Variants in EGFLAM observed in about 807,000 individuals in gnomAD.
EGFLAM encodes the protein pikachurin.
In EGFLAM, 79 loss-of-function variants were observed where a neutral mutation model predicts 113.1. The ratio of observed to expected loss-of-function variants is 0.70; its 90% confidence interval spans 0.58 to 0.84. The LOEUF is 0.84. EGFLAM is among the 40% of genes least tolerant of loss of function. The pLI, the probability that EGFLAM is intolerant of heterozygous loss-of-function variation, is 0.00. For missense variants in EGFLAM, 1,265 were observed against 1,291.6 expected (o/e 0.98, Z 0.32); for synonymous variants, 504 against 487.6 (o/e 1.03, Z -0.44).
At chr5:38,421,521 C>G (rs1291403289) in intron 12 of EGFLAM, among the ~76,000 whole-genome samples, 1 of 152,230 alleles carries the variant, frequency 6.6e-6, no homozygotes, top group Non-Finnish European at 1.5e-5. Context: ...TCAATAAATA[C>G]TTCACTGAGC....
At chr5:38,388,217 G>A (rs1740715144) in intron 6 of EGFLAM, among the ~76,000 whole-genome samples, 1 of 152,170 alleles carries the variant, frequency 6.6e-6, no homozygotes, top group African/African-American at 2.4e-5. Context: ...GATAGCAGAC[G>A]TGATTATATC....
intron 10 of EGFLAM, among the ~76,000 whole-genome samples, chr5:38,410,706 G>T (rs1741451288): frequency 6.6e-6 from 1 of 152,132 alleles, no homozygotes; most frequent in South Asian, 2.1e-4. Flanking sequence ...ATAAAAACAA[G>T]AATAATGCAG....
intron 1 of EGFLAM, among the ~76,000 whole-genome samples, chr5:38,280,736 A>G (rs1757993812): frequency 6.6e-6 from 1 of 152,166 alleles, no homozygotes; most frequent in South Asian, 2.1e-4. Context: ...GTAGTTTTCT[A>G]ATTGAAATCT....
intron 1 of EGFLAM, among the ~76,000 whole-genome samples, chr5:38,267,618 C>G (rs77873584): frequency 0.011 from 1,696 of 152,236 alleles, 34 homozygotes; most frequent in African/African-American, 0.039. Context: ...AATCTCTACC[C>G]TGGGGGAGCT....
At chr5:38,263,279 T>C (rs1579698614) in intron 1 of EGFLAM, among the ~76,000 whole-genome samples, 1 of 152,114 alleles carries the variant, frequency 6.6e-6, no homozygotes, top group South Asian at 2.1e-4. Flanking sequence ...CTGGCCAACA[T>C]GGCAAAACCC....
intron 16 of EGFLAM, among the ~76,000 whole-genome samples, chr5:38,436,727 G>A (rs936351203): frequency 2.6e-5 from 4 of 152,146 alleles, no homozygotes; most frequent in Admixed American, 1.3e-4. Context: ...CCTGATTCAC[G>A]GGCTGGGCCA....
intron 3 of EGFLAM, among the ~76,000 whole-genome samples, chr5:38,347,899 T>A (rs1199752904): frequency 2.0e-5 from 3 of 152,040 alleles, no homozygotes; most frequent in African/African-American, 7.2e-5. Flanking sequence ...GAGGACTTGG[T>A]CTTCAAGGGC....
intron 11 of EGFLAM, 82 bp from the exon 12 acceptor site, chr5:38,417,984 A>C (rs535423469): frequency 1.4e-5 from 19 of 1,381,726 alleles, no homozygotes; most frequent in Non-Finnish European, 2.0e-6. Context: ...CGTCTTAACC[A>C]TGTCCCTCAT....
At chr5:38,463,061 G>T (rs755120459) in intron 21 of EGFLAM, 50 bp downstream of exon 21, 1 of 1,564,442 alleles carries the variant, frequency 6.4e-7, no homozygotes. Flanking sequence ...TGCTTTTCTT[G>T]TTAGTCTTCC....
chr5:38,445,026 T>A (rs947516394), intron 17 of EGFLAM, among the ~76,000 whole-genome samples: 3 of 152,162 alleles, frequency 2.0e-5, no homozygotes, highest in Admixed American at 2.0e-4. Context: ...CACTTCAAGC[T>A]CTGATGATTT....
chr5:38,407,317 T>G (rs957205219), intron 8 of EGFLAM, among the ~76,000 whole-genome samples, 171 bp downstream of exon 8: 3 of 152,252 alleles, frequency 2.0e-5, no homozygotes, highest in African/African-American at 4.8e-5. Flanking sequence ...GAGGCAACTT[T>G]CATTGCTTCT....
chr5:38,421,311 A>G (rs1403142810), intron 12 of EGFLAM, among the ~76,000 whole-genome samples: 1 of 152,226 alleles, frequency 6.6e-6, no homozygotes, highest in African/African-American at 2.4e-5. Context: ...CAAATTTTGC[A>G]TTCTCTGGTC....
chr5:38,361,742 G>C (rs1158463836), intron 5 of EGFLAM, among the ~76,000 whole-genome samples: 1 of 152,188 alleles, frequency 6.6e-6, no homozygotes, highest in Admixed American at 6.5e-5. Flanking sequence ...GCTTGATCTA[G>C]AGGATGCCAG....
Position 38,412,487 on chromosome 5 carries a change from C to T in EGFLAM, c.1350-17C>T. 9 of 1,614,046 alleles carry T rather than the reference C, an allele frequency of 5.6e-6. No individual in the cohort carries two copies. The highest frequency in any genetic ancestry group is 1.3e-5 in the African/African-American group (1 of 75,036). On this transcript the variant is annotated splice_polypyrimidine_tract_variant and intron_variant, in intron 10 of 21. Transcript: ENST00000322350. ...TGGTTCGTCAAGAAATCTTCTTTTC[C>T]TTTTCCTCCCCAACAGGTTTAATTG... is the stretch of plus-strand genomic sequence containing the variant.
chr5:38,350,386 T>A (rs1248213814), intron 3 of EGFLAM, 115 bp from the exon 4 acceptor site: 24 of 1,002,304 alleles, frequency 2.4e-5, no homozygotes, highest in Non-Finnish European at 3.2e-5. Context: ...AGCAAAACAT[T>A]CTCTGTGCCA....
At chr5:38,295,795 C>T (rs1579739365) in intron 1 of EGFLAM, among the ~76,000 whole-genome samples, 1 of 152,274 alleles carries the variant, frequency 6.6e-6, no homozygotes, top group Admixed American at 6.5e-5. Context: ...CATGTTTAAG[C>T]AAACCTCCTT....
intron 10 of EGFLAM, among the ~76,000 whole-genome samples, chr5:38,411,616 A>G (rs1379209805): frequency 3.5e-5 from 5 of 144,266 alleles, no homozygotes; most frequent in Non-Finnish European, 7.5e-5. Flanking sequence ...CTGAGTAGCT[A>G]GGATTACAAG....
chr5:38,443,792 T>C (rs1742623194), intron 17 of EGFLAM, among the ~76,000 whole-genome samples: 1 of 146,244 alleles, frequency 6.8e-6, no homozygotes, highest in African/African-American at 2.6e-5. Flanking sequence ...TTTTTTGAGA[T>C]GGAGTCTAAC....
At chr5:38,361,479 G>A (rs1484858068) in intron 5 of EGFLAM, among the ~76,000 whole-genome samples, 1 of 152,174 alleles carries the variant, frequency 6.6e-6, no homozygotes, top group Non-Finnish European at 1.5e-5. Context: ...TCAAATAGGT[G>A]CTGGTAAGCA....
Sources: gnomAD v4.1 joint callset for allele counts (sites outside exome capture counted in the v4.1 genomes callset) on GRCh38, gnomAD v4.1.1 for gene constraint, MANE v1.5 for transcripts, NCBI Gene and HGNC (gene_info 2026-07-23, HGNC 2026-07-21) for gene names.